The following VPS37B variants were observed in gnomAD, a reference collection of about 807,000 sequenced individuals.
VPS37B encodes VPS37B subunit of ESCRT-I, also known as vacuolar protein sorting-associated protein 37B.
In VPS37B, 11 loss-of-function variants were observed where a neutral mutation model predicts 21.2. The observed-to-expected ratio is 0.52, with a 90% CI of 0.33 to 0.86. The LOEUF (loss-of-function observed/expected upper bound fraction) is 0.86. Among genes scored for constraint, VPS37B ranks in the 40% least tolerant of loss-of-function variants. The pLI is 0.03. For synonymous variants in VPS37B, 175 were observed against 159.6 expected (o/e 1.10, Z -0.73); for missense variants, 389 against 374.8 (o/e 1.04, Z -0.31).
Position 122,870,888 on chromosome 12 carries a change from AC to A in VPS37B, c.283+1del. On this transcript the variant is annotated splice_donor_variant, in intron 2 of 3. Coordinates refer to ENST00000267202, the MANE Select transcript of VPS37B (RefSeq NM_024667.3). LOFTEE classifies it high-confidence loss of function. ...CTCGAATGATCACCCTTAAAAAGTT[AC>A]CTAATTTGGTCTTCTTTATCTGATA... The A allele has an allele frequency of 6.2e-7, 1 of 1,611,256 alleles. No individual in the cohort carries two copies. Among genetic ancestry groups the A allele is most frequent in the Non-Finnish European group, 8.5e-7 (1 of 1,178,762 alleles).
intron 1 of VPS37B, 74 bp from the exon 2 acceptor site, chr12:122,871,135 C>A: frequency 6.5e-7 from 1 of 1,548,744 alleles, no homozygotes; most frequent in African/African-American, 1.4e-5. Flanking sequence ...CCACGCACAC[C>A]CCAGGAGCCC....
At position 122,867,120 on chromosome 12, in the gene VPS37B, T is replaced by G. The variant is rs758715277; in HGVS notation, c.854A>C (p.Gln285Pro). 1 of 1,527,278 alleles carries G rather than the reference T, an allele frequency of 6.5e-7. No individual in the cohort carries two copies. The highest frequency in any genetic ancestry group is 1.3e-5 in the South Asian group (1 of 75,866). The allele number at this position is 1,527,278 out of a possible 1,614,324, so 94.6% of individuals were successfully genotyped here. The change falls in exon 4 of 4, where the codon CAG (glutamine) becomes CCG (proline). Residue 285 changes from glutamine to proline, a missense_variant. Transcript: ENST00000267202. The surrounding 1 kb of genome is among the most constrained non-coding windows in gnomAD (Gnocchi z 5.5). ...LPPHQPGFIL[Q>P] is the part of the protein sequence containing the mutation. Reference sequence around the variant, plus strand: ...CGGGAAGGACCGCGCCGGCGCTCACTGGAGGATGAAACCCGGCTGGTGTGG... The same window carrying G: ...CGGGAAGGACCGCGCCGGCGCTCACGGGAGGATGAAACCCGGCTGGTGTGG...
intron 1 of VPS37B, among the ~76,000 whole-genome samples, chr12:122,892,235 T>G (rs903823155): frequency 1.3e-5 from 2 of 152,168 alleles, no homozygotes; most frequent in Non-Finnish European, 2.9e-5. Context: ...GGGAATTGCA[T>G]AATGAACAGG....
In VPS37B at chr12:122,866,167, C is replaced by T. The variant is rs978275489; in HGVS notation, c.*949G>A. ...CCCTAGCAGGTGTGAGTCCCGGCAC[C>T]TGGGGAAGCTAAGGCACAGCACGGA... On this transcript the variant is annotated 3_prime_UTR_variant, in exon 4 of 4. Coordinates refer to ENST00000267202, the MANE Select transcript of VPS37B (RefSeq NM_024667.3). The T allele has an allele frequency of 6.5e-6, 1 of 152,672 alleles. No individual in the cohort carries two copies. Among genetic ancestry groups the T allele is most frequent in the East Asian group, 1.9e-4 (1 of 5,200 alleles). The allele number at this position is 152,672 out of a possible 1,614,324, so 9.5% of individuals were successfully genotyped here. A position where few individuals can be genotyped will look rare whatever the true frequency, so the allele number is the denominator to read the frequency against.
chr12:122,883,120 G>A (rs1810875548), intron 1 of VPS37B: 1 of 152,218 alleles, frequency 6.6e-6, no homozygotes, highest in African/African-American at 2.4e-5. Context: ...CTTACCAGCT[G>A]CTTATCGAAT....
At chr12:122,894,306 A>G (rs535114140) in intron 1 of VPS37B, among the ~76,000 whole-genome samples, 2 of 152,350 alleles carry the variant, frequency 1.3e-5, no homozygotes, top group African/African-American at 2.4e-5. Flanking sequence ...GGTACACTGC[A>G]TCTTGGAGCA....
intron 1 of VPS37B, chr12:122,890,013 A>G (rs1351840898): frequency 1.3e-5 from 2 of 152,216 alleles, no homozygotes; most frequent in Non-Finnish European, 2.9e-5. Flanking sequence ...AGAGAAATAA[A>G]TAATTCACAA....
rs574348056 is a variant in VPS37B, at chr12:122,896,032, C to A, written c.31G>T (p.Ala11Ser). The change falls in exon 1 of 4, where the codon GCC (alanine) becomes TCC (serine). Residue 11 changes from alanine to serine, a missense_variant. Transcript: ENST00000267202. Reference sequence around the variant, plus strand: ...TTGAGCTGCACCAGCGACAGCCCGGCGAACCGGGCTTCGCTCCCGGCGCCC... The same window carrying A: ...TTGAGCTGCACCAGCGACAGCCCGGAGAACCGGGCTTCGCTCCCGGCGCCC... MAGAGSEARF[A>S]GLSLVQLNEL... is the part of the protein sequence containing the mutation. The A allele has an allele frequency of 1.3e-6, 2 of 1,589,972 alleles. No homozygotes were observed. The highest frequency in any genetic ancestry group is 1.1e-5 in the South Asian group (1 of 89,664).
rs565674501 is a variant in VPS37B at position 122,888,486 on chromosome 12, C to T, written c.111+7466G>A. On this transcript the variant is annotated intron_variant, in intron 1 of 3. Transcript: ENST00000267202. ...CCAGTGATTACCTACGAGTGGCTGG[C>T]ACACGGTCTTCTAGATCACCTCCCA... The T allele has an allele frequency of 3.4e-4, 154 of 453,288 alleles. 1 individual carries two copies. The highest frequency in any genetic ancestry group is 2.8e-3 in the African/African-American group (140 of 50,148). The allele number at this position is 453,288 out of a possible 1,614,324, so 28.1% of individuals were successfully genotyped here.
rs186190609 is a variant in VPS37B at position 122,870,657 on chromosome 12, G to A, written c.283+233C>T. 2.7e-4 allele frequency: 111 copies of A among 404,378 alleles called. 2 individuals are homozygous for A. In the South Asian group the frequency reaches 3.4e-3, roughly 12 times the overall value. 25.0% of individuals were successfully genotyped at this position (404,378 alleles called of 1,614,324 possible). A position where few individuals can be genotyped will look rare whatever the true frequency, so the allele number is the denominator to read the frequency against. On this transcript the variant is annotated intron_variant, in intron 2 of 3. Transcript: ENST00000267202. ...AGGCTGAGACAGGAGGATCACCTGAGCCCAGGAGGTCGTGCTGAGCCATGG... is the reference window on the plus strand; with the variant it reads ...AGGCTGAGACAGGAGGATCACCTGAACCCAGGAGGTCGTGCTGAGCCATGG...
chr12:122,867,593 C>T lies in VPS37B; in HGVS notation c.381G>A (p.Lys127=). The change falls in exon 4 of 4, where the codon AAG becomes AAA. Residue 127 remains lysine, a synonymous_variant. Coordinates refer to ENST00000267202, the MANE Select transcript of VPS37B (RefSeq NM_024667.3). The surrounding 1 kb of genome is among the most constrained non-coding windows in gnomAD (Gnocchi z 5.5). ...CCAGAGGAAGTTCTCCATCCAGAAA[C>T]TTCTCTGCCATGTTCTGAAAGAGGC... The part of the protein sequence containing the change: ...IEEDTENMAE[K]FLDGELPLDS... 1 of 1,613,262 alleles carries T rather than the reference C, an allele frequency of 6.2e-7. No individual in the cohort carries two copies. The highest frequency in any genetic ancestry group is 1.1e-5 in the South Asian group (1 of 91,088).
At chr12:122,871,755 A>T in intron 1 of VPS37B, 1 of 971,752 alleles carries the variant, frequency 1.0e-6, no homozygotes, top group Non-Finnish European at 1.2e-6. Flanking sequence ...TAGGTAGAGA[A>T]GAAGCCACAT....
intron 1 of VPS37B, chr12:122,871,770 A>G (rs2135699837): frequency 3.1e-6 from 3 of 967,320 alleles, no homozygotes; most frequent in East Asian, 1.1e-4. Flanking sequence ...CCACATGCCC[A>G]GAACTTAGGG....
intron 1 of VPS37B, chr12:122,883,633 C>G (rs919674316): frequency 4.6e-5 from 7 of 152,252 alleles, no homozygotes; most frequent in Admixed American, 1.3e-4. Context: ...GTGTGCACCA[C>G]CACATCCAGC....
At chr12:122,871,905 C>A (rs779261975) in intron 1 of VPS37B, 1 of 985,240 alleles carries the variant, frequency 1.0e-6, no homozygotes, top group Non-Finnish European at 1.2e-6. Flanking sequence ...CACTGGTGAT[C>A]GGCTTCCTCT....
intron 2 of VPS37B, chr12:122,870,331 C>T (rs113128920): frequency 0.033 from 5,085 of 152,772 alleles, 124 homozygotes; most frequent in South Asian, 0.06. Context: ...CTGGGCTGAC[C>T]TCAGCAGTCA....
intron 1 of VPS37B, among the ~76,000 whole-genome samples, chr12:122,894,737 T>C (rs2034464630): frequency 6.6e-6 from 1 of 152,084 alleles, no homozygotes; most frequent in Non-Finnish European, 1.5e-5. Context: ...ACACTGCAAA[T>C]CTGCAAGGAT....
chr12:122,888,529 A>C (rs781163580), intron 1 of VPS37B: 11 of 455,840 alleles, frequency 2.4e-5, no homozygotes, highest in Non-Finnish European at 4.0e-5. Context: ...CCTGGCATGA[A>C]TCTCCATAGC....
intron 1 of VPS37B, chr12:122,883,497 CTTTT>C (rs1003971957): frequency 4.0e-5 from 6 of 151,802 alleles, no homozygotes; most frequent in African/African-American, 1.5e-4. Flanking sequence ...TTTCTTTTTT[CTTTT>C]TTTTGAGACA....
Sources: allele counts gnomAD v4.1 joint callset (sites outside exome capture counted in the v4.1 genomes callset), GRCh38; gene constraint gnomAD v4.1.1; non-coding constraint Gnocchi (gnomAD v3.1); transcripts MANE v1.5; gene names NCBI Gene and HGNC (gene_info 2026-07-23, HGNC 2026-07-21).